The following GGTLC2 variants were observed in gnomAD, a reference collection of about 807,000 sequenced individuals.
GGTLC2 encodes the protein glutathione hydrolase light chain 2.
GGTLC2 carries 13 observed loss-of-function variants against 20.2 expected under a neutral mutation model. That is an observed-to-expected ratio of 0.64 (90% CI 0.42 to 1.02). The LOEUF is 1.02. Among genes scored for constraint, GGTLC2 ranks in the 50% least tolerant of loss-of-function variants. GGTLC2 has a pLI of 0.00. For synonymous variants in GGTLC2, 89 were observed against 125.5 expected, an observed-to-expected ratio of 0.71 and a Z score of 1.94; for missense variants, 202 against 301.3, an observed-to-expected ratio of 0.67 and a Z score of 2.44.
intron 1 of GGTLC2, 109 bp from the exon 2 acceptor site, chr22:22,646,203 C>A: frequency 1.4e-6 from 2 of 1,392,498 alleles, no homozygotes; most frequent in Non-Finnish European, 1.9e-6. Flanking sequence ...CCCTTGGGTC[C>A]TGGGGAGCCA....
At position 22,647,321 on chromosome 22, in the gene GGTLC2, G is replaced by A. The variant is rs374961755; in HGVS notation, c.510+31G>A. ...CCGGGGGTTGGAGAAACTGAGTCAC[G>A]GTGTGGGGCCCCAGGGCATCCTGGG... On this transcript the variant is annotated intron_variant, in intron 5 of 5. Transcript: ENST00000448514. 1.6e-4 allele frequency: 259 copies of A among 1,607,310 alleles called. 2 individuals are homozygous for A. In the African/African-American group the frequency reaches 1.8e-3, roughly 11 times the overall value.
chr22:22,646,648 A>T lies in GGTLC2; in HGVS notation c.177-106A>T, dbSNP rs1360700688. 297 of 1,478,780 alleles carry T rather than the reference A, an allele frequency of 2.0e-4. 2 individuals carry two copies. Among genetic ancestry groups the T allele is most frequent in the South Asian group, 1.8e-3 (138 of 77,706 alleles). The allele number at this position is 1,478,780 out of a possible 1,614,324, so 91.6% of individuals were successfully genotyped here. A position where few individuals can be genotyped will look rare whatever the true frequency, so the allele number is the denominator to read the frequency against. On this transcript the variant is annotated intron_variant, in intron 2 of 5. Transcript: ENST00000448514. ...TGGGAAACTGAGGCCCAACCTTGGTAGCTTATCCTGGGCCTCTCAGTGAGT... is the reference window on the plus strand; with the variant it reads ...TGGGAAACTGAGGCCCAACCTTGGTTGCTTATCCTGGGCCTCTCAGTGAGT...
Position 22,647,435 on chromosome 22 carries a change from C to G in GGTLC2, c.510+145C>G, listed in dbSNP as rs563851864. 10 of 1,131,386 alleles carry G rather than the reference C, an allele frequency of 8.8e-6. No individual in the cohort carries two copies. The East Asian group carries it at 2.0e-4, about 23-fold the overall frequency. The allele number at this position is 1,131,386 out of a possible 1,614,324, so 70.1% of individuals were successfully genotyped here. A position where few individuals can be genotyped will look rare whatever the true frequency, so the allele number is the denominator to read the frequency against. On this transcript the variant is annotated intron_variant, in intron 5 of 5. Coordinates refer to ENST00000448514, the MANE Select transcript of GGTLC2 (RefSeq NM_199127.3). ...TCTGGAGCCCCTGTGCCATGAGGGCCAAGCCCCCTGCTCCAGTGAGACCCA... is the reference window on the plus strand; with the variant it reads ...TCTGGAGCCCCTGTGCCATGAGGGCGAAGCCCCCTGCTCCAGTGAGACCCA...
chr22:22,647,546 G>C (rs758638609), intron 5 of GGTLC2, 49 bp from the exon 6 acceptor site: 38 of 1,604,936 alleles, frequency 2.4e-5, no homozygotes, highest in Non-Finnish European at 2.7e-5. Context: ...GTGTGGTTCA[G>C]GTGGCATCTG....
rs890558354 is a variant in GGTLC2, at chr22:22,646,817, C to G, written c.240C>G (p.Phe80Leu). The change falls in exon 3 of 6, where the codon TTC becomes TTG. Residue 80 changes from phenylalanine to leucine, a missense_variant. Transcript: ENST00000448514. ...EILFNDEMDD[F>L]SSPNITNEFG... ...TGTTCAATGATGAAATGGATGACTTCAGCTCTCCCAACATCACCAACGAGT... is the reference window on the plus strand; with the variant it reads ...TGTTCAATGATGAAATGGATGACTTGAGCTCTCCCAACATCACCAACGAGT... The G allele has an allele frequency of 6.2e-7, 1 of 1,613,068 alleles. No homozygotes were observed. Among genetic ancestry groups the G allele is most frequent in the Non-Finnish European group, 8.5e-7 (1 of 1,179,592 alleles).
Position 22,647,866 on chromosome 22 carries a change from G to A in GGTLC2, c.*125G>A. On this transcript the variant is annotated 3_prime_UTR_variant, in exon 6 of 6. Transcript: ENST00000448514. ...GAGCAGCACAATAAATGAGGCCACT[G>A]TGCCAGGCTCCAGGTGGCCTCCCTG... The A allele has an allele frequency of 1.3e-6, 2 of 1,493,446 alleles. No homozygotes were observed. Among genetic ancestry groups the A allele is most frequent in the South Asian group, 1.3e-5 (1 of 79,842 alleles). 92.5% of individuals were successfully genotyped at this position (1,493,446 alleles called of 1,614,324 possible). A position where few individuals can be genotyped will look rare whatever the true frequency, so the allele number is the denominator to read the frequency against.
chr22:22,646,722 G>T (rs1378168486), intron 2 of GGTLC2, 32 bp from the exon 3 acceptor site: 2 of 1,606,958 alleles, frequency 1.2e-6, no homozygotes. Flanking sequence ...GCCAGGCAAG[G>T]TCAGGTGCTG....
In GGTLC2 at chr22:22,647,177, G is replaced by T. The variant is rs1181368517; in HGVS notation, c.397G>T (p.Ala133Ser). The T allele has an allele frequency of 6.2e-7, 1 of 1,611,554 alleles. No individual in the cohort carries two copies. Among genetic ancestry groups the T allele is most frequent in the Non-Finnish European group, 8.5e-7 (1 of 1,179,750 alleles). Residue 133 changes from alanine (A) to serine (S), a missense_variant, in exon 5 of 6, where the codon GCC becomes TCC. Coordinates refer to ENST00000448514, the MANE Select transcript of GGTLC2 (RefSeq NM_199127.3). ...SHADHTPMPQAIIYNLWFGYD... is the reference protein window; with the variant it reads ...SHADHTPMPQSIIYNLWFGYD... ...TGCTGATCACACTCCCATGCCCCAG[G>T]CCATCATCTACAACCTCTGGTTCGG...
Position 22,646,839 on chromosome 22 carries a change from G to A in GGTLC2, c.262G>A (p.Glu88Lys), listed in dbSNP as rs527951251. The A allele has an allele frequency of 2.4e-5, 38 of 1,613,278 alleles. No homozygotes were observed. The highest frequency in any genetic ancestry group is 6.7e-5 in the Admixed American group (4 of 59,950). Residue 88 changes from glutamate to lysine, a missense_variant, in exon 3 of 6, where the codon GAG (glutamate) becomes AAG (lysine). By Grantham distance (56) the Glu-to-Lys change is moderately conservative. Coordinates refer to ENST00000448514, the MANE Select transcript of GGTLC2 (RefSeq NM_199127.3). ...DDFSSPNITNEFGVPPSPANF... is the reference protein window; with the variant it reads ...DDFSSPNITNKFGVPPSPANF... Reference sequence around the variant, plus strand: ...CTTCAGCTCTCCCAACATCACCAACGAGTTTGGGGTGCCCCCCTCACCTGC... The same window carrying A: ...CTTCAGCTCTCCCAACATCACCAACAAGTTTGGGGTGCCCCCCTCACCTGC...
In GGTLC2 at chr22:22,647,217, G is replaced by A. The variant is rs6003139; in HGVS notation, c.437G>A (p.Arg146Gln). 5,762 of 1,611,260 alleles carry A rather than the reference G, an allele frequency of 3.6e-3. 145 individuals are homozygous for A. In the African/African-American group the frequency reaches 0.064, roughly 18 times the overall value. The change falls in exon 5 of 6, where the codon CGG (arginine) becomes CAG (glutamine). Residue 146 changes from arginine (R) to glutamine (Q), a missense_variant. Physicochemically the swap from Arg to Gln is conservative, Grantham distance 43. Around this residue, in one of 4 missense-constraint regions of GGTLC2, gnomAD observed 65 missense variants for 87.5 expected, o/e 0.74. Transcript: ENST00000448514. ...YNLWFGYDVKRAVEEPRLHNQ... is the reference protein window; with the variant it reads ...YNLWFGYDVKQAVEEPRLHNQ... ...CTCTGGTTCGGCTATGACGTGAAGC[G>A]GGCCGTGGAGGAGCCCCGGCTGCAC...
rs556222819 is a variant in GGTLC2, at chr22:22,646,739, C to T, written c.177-15C>T. The T allele has an allele frequency of 4.4e-5, 70 of 1,608,544 alleles. 2 individuals are homozygous for T. The South Asian group carries it at 7.1e-4, about 16-fold the overall frequency. On this transcript the variant is annotated splice_polypyrimidine_tract_variant and intron_variant, in intron 2 of 5. Coordinates refer to ENST00000448514, the MANE Select transcript of GGTLC2 (RefSeq NM_199127.3). ...CAGGCAAGGTCAGGTGCTGTCTGACCTGGCTGGGCGGTAGCTTTGGCTCCA... is the reference window on the plus strand; with the variant it reads ...CAGGCAAGGTCAGGTGCTGTCTGACTTGGCTGGGCGGTAGCTTTGGCTCCA...
At chr22:22,645,024 T>C (rs373767157) in intron 1 of GGTLC2, among the ~76,000 whole-genome samples, 6,298 of 140,402 alleles carry the variant, frequency 0.045, 317 homozygotes, top group South Asian at 0.23. Flanking sequence ...TCTGGAGTAG[T>C]TGGGACTACA....
At chr22:22,645,531 C>A (rs1422953814) in intron 1 of GGTLC2, among the ~76,000 whole-genome samples, 1 of 151,030 alleles carries the variant, frequency 6.6e-6, no homozygotes, top group African/African-American at 2.4e-5. Context: ...ATCCTTGATT[C>A]TTCTCTTTCT....
intron 5 of GGTLC2, 103 bp downstream of exon 5, chr22:22,647,393 C>G: frequency 1.3e-6 from 2 of 1,594,380 alleles, no homozygotes; most frequent in Admixed American, 1.7e-5. Context: ...GGTGTCCTCT[C>G]TCTAGTGCCT....
rs374174226 is a variant in GGTLC2, at chr22:22,646,971, C to T, written c.305-12C>T. On this transcript the variant is annotated splice_polypyrimidine_tract_variant and intron_variant, in intron 3 of 5. Transcript: ENST00000448514. ...GCTGACGGGCATCCCTGTCTTCTCC[C>T]ATCGGCCACAGGGAAGCAGCCGCTC... The T allele has an allele frequency of 3.0e-5, 49 of 1,611,670 alleles. No individual in the cohort carries two copies. In the African/African-American group the frequency reaches 5.2e-4, roughly 17 times the overall value.
chr22:22,647,417 C>A (rs1239219737), intron 5 of GGTLC2, 127 bp downstream of exon 5: 17 of 1,497,344 alleles, frequency 1.1e-5, no homozygotes, highest in Non-Finnish European at 1.5e-5. Flanking sequence ...CCATCTGGAG[C>A]CCCTGTGCCA....
At chr22:22,646,611 C>G (rs2146252886) in intron 2 of GGTLC2, 90 bp downstream of exon 2, 1 of 1,332,706 alleles carries the variant, frequency 7.5e-7, no homozygotes, top group East Asian at 2.5e-5. Context: ...GCTCCATCAC[C>G]TCTTTTCCTG....
In GGTLC2 at chr22:22,646,777, C is replaced by A. The variant is rs144236865; in HGVS notation, c.200C>A (p.Pro67Gln). The part of the protein sequence containing the change: ...NLYFGSKVRS[P>Q]VSEILFNDEM... Reference sequence around the variant, plus strand: ...AGCTTTGGCTCCAAGGTCCGCTCCCCGGTCAGCGAGATCCTGTTCAATGAT... The same window carrying A: ...AGCTTTGGCTCCAAGGTCCGCTCCCAGGTCAGCGAGATCCTGTTCAATGAT... The change falls in exon 3 of 6, where the codon CCG becomes CAG. Residue 67 changes from proline to glutamine, a missense_variant. Physicochemically the swap from Pro to Gln is moderately conservative, Grantham distance 76 (BLOSUM62 -1). Coordinates refer to ENST00000448514, the MANE Select transcript of GGTLC2 (RefSeq NM_199127.3). 3 of 1,610,116 alleles carry A rather than the reference C, an allele frequency of 1.9e-6. No individual in the cohort carries two copies. The highest frequency in any genetic ancestry group is 2.5e-6 in the Non-Finnish European group (3 of 1,178,096).
At chr22:22,647,090 G>C (rs1166460797) in intron 4 of GGTLC2, 51 bp from the exon 5 acceptor site, 2 of 1,611,622 alleles carry the variant, frequency 1.2e-6, no homozygotes, top group East Asian at 4.5e-5. Context: ...CACAGCCACT[G>C]CACTGATATG....
Sources: allele counts gnomAD v4.1 joint callset (sites outside exome capture counted in the v4.1 genomes callset), GRCh38; gene constraint gnomAD v4.1.1; regional missense constraint gnomAD v4.1.1; transcripts MANE v1.5; gene names NCBI Gene and HGNC (gene_info 2026-07-23, HGNC 2026-07-21).